Variants in CIT observed in about 807,000 individuals in gnomAD.
CIT encodes citron Rho-interacting kinase.
Under a neutral mutation model 272.7 loss-of-function variants are expected in CIT, and 79 were observed. That is an observed-to-expected ratio of 0.29 (90% CI 0.24 to 0.35). The LOEUF (loss-of-function observed/expected upper bound fraction) is 0.35, where lower values mean the gene tolerates loss of function less well. Ranked by LOEUF, CIT falls within the 10% of genes least tolerant of loss-of-function variation. CIT has a pLI of 1.00. For missense variants in CIT, 1,909 were observed against 2,618.3 expected (o/e 0.73, Z 5.91); for synonymous variants, 948 against 995.6 (o/e 0.95, Z 0.90).
chr12:119,778,734 A>G (rs1964020845), intron 13 of CIT, among the ~76,000 whole-genome samples: 1 of 152,054 alleles, frequency 6.6e-6, no homozygotes, highest in Admixed American at 6.6e-5. Flanking sequence ...TATTATCTGT[A>G]AAGGAGAAAG....
In CIT at chr12:119,834,150, G is replaced by GT; in HGVS notation, c.594dup (p.Gln199ThrfsTer6). ...AAAATCAGCTCAGCTAGGTAAAACT[G>GT]TATCAGGTTTTCATCTAACTGGTCC... On this transcript the variant is annotated frameshift_variant, in exon 6 of 48. Coordinates refer to ENST00000392521, the MANE Select transcript of CIT (RefSeq NM_001206999.2). LOFTEE classifies it high-confidence loss of function. 1 of 1,613,980 alleles carries GT rather than the reference G, an allele frequency of 6.2e-7. No individual in the cohort carries two copies. The highest frequency in any genetic ancestry group is 8.5e-7 in the Non-Finnish European group (1 of 1,179,880).
chr12:119,744,790 T>C (rs1406000763), intron 23 of CIT, among the ~76,000 whole-genome samples: 1 of 151,878 alleles, frequency 6.6e-6, no homozygotes, highest in African/African-American at 2.4e-5. Context: ...TTCTAATATG[T>C]CTATTTTTCC....
rs779444520 is a variant in CIT at position 119,876,093 on chromosome 12, T to A, written c.76A>T (p.Arg26Trp). The A allele has an allele frequency of 4.3e-6, 7 of 1,613,620 alleles. No individual in the cohort carries two copies. In the Admixed American group the frequency reaches 1.2e-4, roughly 27 times the overall value. ...AAEPIASRAS[R>W]LNLFFQGKPP... ...GTTACCTGGAAGAACAGATTCAGCC[T>A]GGAGGCCCGGCTGGCAATGGGTTCA... The change falls in exon 2 of 48, where the codon AGG becomes TGG. Residue 26 changes from arginine (R) to tryptophan (W), a missense_variant. Coordinates refer to ENST00000392521, the MANE Select transcript of CIT (RefSeq NM_001206999.2).
chr12:119,709,375 G>T (rs535159052), intron 39 of CIT, among the ~76,000 whole-genome samples: 1 of 151,930 alleles, frequency 6.6e-6, no homozygotes, highest in Non-Finnish European at 1.5e-5. Context: ...TGTTGGTAGT[G>T]GGGGAGGCTA....
In CIT at chr12:119,868,866, G is replaced by A. The variant is rs530554363; in HGVS notation, c.238+194C>T. On this transcript the variant is annotated intron_variant, in intron 3 of 47. Coordinates refer to ENST00000392521, the MANE Select transcript of CIT (RefSeq NM_001206999.2). ...ATTCAGTCTTTGAATTAAGTTTGTC[G>A]CTTGCAACCAAGAAGCCCAACTTAC... Among the ~76,000 whole-genome samples, 5 of 152,230 alleles carry A rather than the reference G, an allele frequency of 3.3e-5. No individual in the cohort carries two copies. In the East Asian group the frequency reaches 5.8e-4, roughly 18 times the overall value.
chr12:119,756,084 G>A (rs922758339), intron 22 of CIT, among the ~76,000 whole-genome samples: 5 of 152,144 alleles, frequency 3.3e-5, no homozygotes, highest in Admixed American at 1.3e-4. Context: ...ACATTTTACA[G>A]ATGAAGAAAC....
intron 13 of CIT, among the ~76,000 whole-genome samples, chr12:119,779,583 C>A (rs996668220): frequency 2.0e-5 from 3 of 152,140 alleles, no homozygotes; most frequent in Non-Finnish European, 4.4e-5. Flanking sequence ...GCATGGACAC[C>A]AAATCTTGAG....
chr12:119,831,869 C>CA (rs958584405), intron 7 of CIT, among the ~76,000 whole-genome samples: 22 of 148,402 alleles, frequency 1.5e-4, no homozygotes, highest in African/African-American at 2.2e-4. Context: ...GACTCCGTCT[C>CA]AAAAAAAAAG....
chr12:119,785,187 A>G, intron 10 of CIT, 122 bp from the exon 11 acceptor site: 1 of 1,044,100 alleles, frequency 9.6e-7, no homozygotes. Flanking sequence ...TAGGTCAAAT[A>G]ATGCCCCCTT....
rs757296540 is a variant in CIT at position 119,761,070 on chromosome 12, G to A, written c.2305-15C>T. ...TTGTCCAACACCTACAAAAACAAAA[G>A]CAGCAGCAAATGTTCTCAGGAGCCA... On this transcript the variant is annotated splice_polypyrimidine_tract_variant and intron_variant, in intron 19 of 47. Transcript: ENST00000392521. The A allele has an allele frequency of 3.8e-6, 6 of 1,576,492 alleles. No individual in the cohort carries two copies. The South Asian group carries it at 6.6e-5, about 17-fold the overall frequency.
rs777565948 is a variant in CIT at position 119,803,250 on chromosome 12, C to T, written c.1251G>A (p.Val417=). 6.2e-7 allele frequency: 1 copy of T among 1,602,108 alleles called. No individual in the cohort carries two copies. Among genetic ancestry groups the T allele is most frequent in the Non-Finnish European group, 8.5e-7 (1 of 1,175,854 alleles). ...SGFSGEELPF[V]GFSYSKALGI... ...CCAGTGCCTTGCTGTACGAAAACCC[C>T]ACAAACGGCAGTTCTTCACCCGAGA... Residue 417 remains valine (V), a synonymous_variant, in exon 10 of 48, where the codon GTG becomes GTA. Transcript: ENST00000392521.
At chr12:119,750,748 TATAGATAGATAGATAGATAGATAG>T (rs6144898) in intron 23 of CIT, among the ~76,000 whole-genome samples, 20 of 147,870 alleles carry the variant, frequency 1.4e-4, no homozygotes, top group South Asian at 4.4e-4. Flanking sequence ...TATATATAGA[TATAGATAGATAGATAGATAGATAG>T]ATAGATAGAT....
At chr12:119,756,400 A>G (rs1960989204) in intron 22 of CIT, among the ~76,000 whole-genome samples, 1 of 152,206 alleles carries the variant, frequency 6.6e-6, no homozygotes, top group African/African-American at 2.4e-5. Flanking sequence ...CTGGGTTTTA[A>G]GTACTCCTTT....
chr12:119,724,885 G>A (rs1041819374), intron 28 of CIT, among the ~76,000 whole-genome samples: 5 of 125,118 alleles, frequency 4.0e-5, no homozygotes, highest in Non-Finnish European at 7.8e-5. Context: ...GCAGTGAGCC[G>A]AGATCACTGC....
At chr12:119,860,065 AC>A (rs1950291099) in intron 3 of CIT, among the ~76,000 whole-genome samples, 1 of 151,890 alleles carries the variant, frequency 6.6e-6, no homozygotes. Context: ...CAATCCTCCC[AC>A]CTTGGCTTCC....
At chr12:119,874,287 G>A (rs1002418116) in intron 2 of CIT, among the ~76,000 whole-genome samples, 1 of 152,026 alleles carries the variant, frequency 6.6e-6, no homozygotes, top group African/African-American at 2.4e-5. Flanking sequence ...GTCCAGGCTG[G>A]TCTCGAACCC....
At chr12:119,796,909 T>C (rs754794184) in intron 10 of CIT, among the ~76,000 whole-genome samples, 21 of 152,166 alleles carry the variant, frequency 1.4e-4, no homozygotes, top group Non-Finnish European at 2.6e-4. Context: ...CGTGGTGAGA[T>C]GGAAATCACC....
chr12:119,858,594 G>T (rs148221277), intron 3 of CIT, among the ~76,000 whole-genome samples: 1 of 152,082 alleles, frequency 6.6e-6, no homozygotes. Flanking sequence ...GCCGAAGCGG[G>T]TGGATCACAA....
chr12:119,784,558 A>C lies in CIT; in HGVS notation c.1401+402T>G. 4.3e-6 allele frequency: 5 copies of C among 1,175,462 alleles called. No individual in the cohort carries two copies. The highest frequency in any genetic ancestry group is 4.2e-6 in the Non-Finnish European group (4 of 941,194). The allele number at this position is 1,175,462 out of a possible 1,614,324, so 72.8% of individuals were successfully genotyped here. A position where few individuals can be genotyped will look rare whatever the true frequency, so the allele number is the denominator to read the frequency against. ...GAACAGTGAATGTTAAGAGACGTTGAGCGTAATCAACACAGTGGCCGCAGT... is the reference window on the plus strand; with the variant it reads ...GAACAGTGAATGTTAAGAGACGTTGCGCGTAATCAACACAGTGGCCGCAGT... On this transcript the variant is annotated intron_variant, in intron 11 of 47. Coordinates refer to ENST00000392521, the MANE Select transcript of CIT (RefSeq NM_001206999.2). The surrounding 1 kb of genome is among the most constrained non-coding windows in gnomAD (Gnocchi z 4.7).
Sources: allele counts gnomAD v4.1 joint callset (sites outside exome capture counted in the v4.1 genomes callset), GRCh38; gene constraint gnomAD v4.1.1; non-coding constraint Gnocchi (gnomAD v3.1); transcripts MANE v1.5; gene names NCBI Gene and HGNC (gene_info 2026-07-23, HGNC 2026-07-21).